Variants in SHISA9 observed in about 807,000 individuals in gnomAD.
The protein encoded by SHISA9 is shisa family member 9.
A neutral mutation model predicts 38.0 loss-of-function variants in SHISA9; 13 were observed. The observed-to-expected ratio is 0.34, with a 90% CI of 0.22 to 0.54. SHISA9 has a LOEUF of 0.54. SHISA9 is among the 20% of genes least tolerant of loss of function. The pLI, the probability that SHISA9 is intolerant of heterozygous loss-of-function variation, is 0.91. For missense variants in SHISA9, 538 were observed against 575.8 expected (o/e 0.93, Z 0.67); for synonymous variants, 275 against 242.0 (o/e 1.14, Z -1.27).
At chr16:13,477,781 A>T in the SHISA9 span, among the ~76,000 whole-genome samples, 1 of 152,178 alleles carries the variant, frequency 6.6e-6, no homozygotes, top group Non-Finnish European at 1.5e-5. Flanking sequence ...CCTGACCAAC[A>T]TGGTAAAACC....
chr16:13,258,980 A>G, the SHISA9 span, among the ~76,000 whole-genome samples: 1 of 152,220 alleles, frequency 6.6e-6, no homozygotes, highest in East Asian at 1.9e-4. Flanking sequence ...CAGTTCCCCA[A>G]CGTCTTAATT....
chr16:13,345,570 A>G, the SHISA9 span, among the ~76,000 whole-genome samples: 1 of 152,140 alleles, frequency 6.6e-6, no homozygotes, highest in African/African-American at 2.4e-5. Context: ...ATGAACATAC[A>G]TGTGCATGTG....
chr16:13,531,725 G>A, the SHISA9 span, among the ~76,000 whole-genome samples: 1 of 152,160 alleles, frequency 6.6e-6, no homozygotes, highest in Non-Finnish European at 1.5e-5. Context: ...CAAGTAAGAT[G>A]CGTAATCCCA....
chr16:13,202,112 T>G (rs2051011799), intron 2 of SHISA9, among the ~76,000 whole-genome samples: 1 of 117,628 alleles, frequency 8.5e-6, no homozygotes, highest in South Asian at 2.7e-4. Flanking sequence ...TCCATCCCAT[T>G]GCTCTCAGGA....
At chr16:13,264,031 T>C in the SHISA9 span, among the ~76,000 whole-genome samples, 98,969 of 151,980 alleles carry the variant, frequency 0.65, 32,502 homozygotes, top group African/African-American at 0.72. Flanking sequence ...ATGTAAACAC[T>C]GATATGACTA....
chr16:12,980,885 C>G (rs891740627), intron 2 of SHISA9, among the ~76,000 whole-genome samples: 1 of 151,742 alleles, frequency 6.6e-6, no homozygotes, highest in African/African-American at 2.4e-5. Context: ...TTTTTCATGC[C>G]TGATATTTTA....
chr16:13,294,951 A>G, the SHISA9 span, among the ~76,000 whole-genome samples: 1 of 152,204 alleles, frequency 6.6e-6, no homozygotes, highest in Non-Finnish European at 1.5e-5. Flanking sequence ...CTGAAACTCC[A>G]CTTACATTAA....
chr16:13,147,918 C>A (rs915254105), intron 2 of SHISA9, among the ~76,000 whole-genome samples: 2 of 152,188 alleles, frequency 1.3e-5, no homozygotes, highest in African/African-American at 4.8e-5. Flanking sequence ...AAATGCTACT[C>A]ACCCCAAATA....
At chr16:13,514,865 G>A in the SHISA9 span, among the ~76,000 whole-genome samples, 1 of 151,938 alleles carries the variant, frequency 6.6e-6, no homozygotes, top group African/African-American at 2.4e-5. Flanking sequence ...GTGAAAAAGA[G>A]GAAATTATAG....
At chr16:13,156,274 C>T (rs959086879) in intron 2 of SHISA9, among the ~76,000 whole-genome samples, 1 of 152,132 alleles carries the variant, frequency 6.6e-6, no homozygotes, top group South Asian at 2.1e-4. Context: ...GCATCAATGA[C>T]CACTGTGAGG....
At chr16:13,356,636 G>A in the SHISA9 span, among the ~76,000 whole-genome samples, 1 of 152,112 alleles carries the variant, frequency 6.6e-6, no homozygotes, top group African/African-American at 2.4e-5. Context: ...GGGAGGAAGG[G>A]AGGGGTCAGA....
the SHISA9 span, among the ~76,000 whole-genome samples, chr16:13,539,669 G>A: frequency 6.6e-6 from 1 of 152,012 alleles, no homozygotes; most frequent in Admixed American, 6.6e-5. Flanking sequence ...ATATCACAGG[G>A]GTTTGATGAA....
chr16:13,367,341 G>C, the SHISA9 span, among the ~76,000 whole-genome samples: 15 of 148,512 alleles, frequency 1.0e-4, no homozygotes, highest in Admixed American at 8.9e-4. Context: ...AAACAGAGGA[G>C]GGGAAGATGC....
chr16:12,979,879 C>T (rs1249317257), intron 2 of SHISA9, among the ~76,000 whole-genome samples: 1 of 152,124 alleles, frequency 6.6e-6, no homozygotes, highest in Admixed American at 6.5e-5. Flanking sequence ...CCTTTTTTCT[C>T]TTCCTTCTTT....
chr16:12,976,535 CAG>C (rs2072164285), intron 2 of SHISA9, among the ~76,000 whole-genome samples: 1 of 152,196 alleles, frequency 6.6e-6, no homozygotes, highest in Non-Finnish European at 1.5e-5. Context: ...CCTGTGTCAA[CAG>C]AATCATGGGG....
the SHISA9 span, among the ~76,000 whole-genome samples, chr16:13,556,028 T>G: frequency 1.3e-5 from 2 of 152,182 alleles, no homozygotes; most frequent in Non-Finnish European, 2.9e-5. Flanking sequence ...GGCTTGAGAT[T>G]ATACAGATGT....
At chr16:13,355,716 A>AGCCTCC in the SHISA9 span, among the ~76,000 whole-genome samples, 1 of 152,168 alleles carries the variant, frequency 6.6e-6, no homozygotes, top group Non-Finnish European at 1.5e-5. Context: ...TGGAGTGGGT[A>AGCCTCC]GCCTCCGTAT....
At chr16:13,328,605 C>G in the SHISA9 span, among the ~76,000 whole-genome samples, 1 of 134,166 alleles carries the variant, frequency 7.5e-6, no homozygotes, top group Admixed American at 7.3e-5. Flanking sequence ...CACACACACA[C>G]ACACACACAC....
chr16:12,949,728 CTT>C (rs1315095399), intron 2 of SHISA9, among the ~76,000 whole-genome samples: 1 of 151,966 alleles, frequency 6.6e-6, no homozygotes, highest in Non-Finnish European at 1.5e-5. Flanking sequence ...TTTATATTAT[CTT>C]TTTAATTGAG....
Sources: allele counts gnomAD v4.1 joint callset (sites outside exome capture counted in the v4.1 genomes callset), GRCh38; gene constraint gnomAD v4.1.1; transcripts MANE v1.5; gene names NCBI Gene and HGNC (gene_info 2026-07-23, HGNC 2026-07-21).